NDUFA10: variants seen among roughly 807,000 people sequenced by gnomAD.
NDUFA10 encodes NADH:ubiquinone oxidoreductase subunit A10.
Under a neutral mutation model 47.8 loss-of-function variants are expected in NDUFA10, and 40 were observed. The observed-to-expected ratio is 0.84, with a 90% CI of 0.65 to 1.09. The LOEUF is 1.09. Among genes scored for constraint, NDUFA10 ranks in the 50% least tolerant of loss-of-function variants. The pLI is 0.00. For missense variants in NDUFA10, 413 were observed against 451.1 expected (o/e 0.92, Z 0.76); for synonymous variants, 183 against 172.2 (o/e 1.06, Z -0.49).
At chr2:239,984,004 G>A (rs1695900477) in intron 9 of NDUFA10, among the ~76,000 whole-genome samples, 9 of 152,116 alleles carry the variant, frequency 5.9e-5, no homozygotes, top group Admixed American at 5.9e-4. Context: ...AGGCTGAGGT[G>A]GCCAGATCAC....
At chr2:239,996,690 C>T (rs925898116) in intron 8 of NDUFA10, among the ~76,000 whole-genome samples, 2 of 152,220 alleles carry the variant, frequency 1.3e-5, no homozygotes, top group African/African-American at 2.4e-5. Flanking sequence ...TATGCACACA[C>T]TCCCCACACA....
intron 4 of NDUFA10, among the ~76,000 whole-genome samples, chr2:239,908,850 C>T (rs1163923245): frequency 6.6e-6 from 1 of 152,186 alleles, no homozygotes; most frequent in Non-Finnish European, 1.5e-5. Flanking sequence ...GCACCTACCT[C>T]CCTGTTGGAA....
intron 4 of NDUFA10, among the ~76,000 whole-genome samples, chr2:239,905,680 C>T (rs1693639848): frequency 1.3e-5 from 2 of 152,146 alleles, no homozygotes; most frequent in South Asian, 4.1e-4. Context: ...ATCCTGGACA[C>T]AAGCCCCATC....
chr2:240,023,056 G>A (rs537046364), intron 1 of NDUFA10, among the ~76,000 whole-genome samples: 2 of 152,048 alleles, frequency 1.3e-5, no homozygotes, highest in South Asian at 2.1e-4. Flanking sequence ...TGACTCTGTC[G>A]GCACCCTCAC....
intron 4 of NDUFA10, among the ~76,000 whole-genome samples, chr2:239,899,922 C>T (rs541005227): frequency 1.0e-4 from 15 of 148,186 alleles, no homozygotes; most frequent in Admixed American, 4.0e-4. Flanking sequence ...AGGAAGCCCA[C>T]CCATCTTAAA....
At chr2:239,976,826 G>C (rs1218166673) in intron 9 of NDUFA10, among the ~76,000 whole-genome samples, 1 of 152,176 alleles carries the variant, frequency 6.6e-6, no homozygotes, top group African/African-American at 2.4e-5. Context: ...GTGGCCCTAG[G>C]AAGGAGTTCC....
At chr2:240,008,855 CTGT>C (rs1697040207) in intron 6 of NDUFA10, among the ~76,000 whole-genome samples, 1 of 152,230 alleles carries the variant, frequency 6.6e-6, no homozygotes, top group Admixed American at 6.5e-5. Flanking sequence ...TTTCTATCTT[CTGT>C]GCGCCTCCAT....
In NDUFA10 at chr2:239,961,195, G is replaced by A. The variant is rs762927066; in HGVS notation, c.1000-9C>T. 1 of 1,573,564 alleles carries A rather than the reference G, an allele frequency of 6.4e-7. No individual in the cohort carries two copies. Among genetic ancestry groups the A allele is most frequent in the Non-Finnish European group, 8.7e-7 (1 of 1,149,576 alleles). On this transcript the variant is annotated splice_polypyrimidine_tract_variant and intron_variant, in intron 9 of 9. Transcript: ENST00000252711. ...TACTTGCGGCCCGGCAGCTGTGGGG[G>A]AAAAAGGCATTGGTGCATTCTGTTT...
At chr2:239,927,305 T>C (rs886086044) in intron 4 of NDUFA10, among the ~76,000 whole-genome samples, 4 of 152,176 alleles carry the variant, frequency 2.6e-5, no homozygotes, top group African/African-American at 9.7e-5. Context: ...AATGTTATTA[T>C]AAAAGAGTCA....
chr2:239,973,843 G>A (rs959829494), intron 9 of NDUFA10, among the ~76,000 whole-genome samples: 3 of 152,138 alleles, frequency 2.0e-5, no homozygotes, highest in Non-Finnish European at 4.4e-5. Context: ...GAGGAGGGTC[G>A]CTAAGGAAAA....
At chr2:239,915,409 C>CAT (rs1693845203) in intron 4 of NDUFA10, among the ~76,000 whole-genome samples, 3 of 115,392 alleles carry the variant, frequency 2.6e-5, no homozygotes, top group Non-Finnish European at 3.5e-5. Flanking sequence ...ACACAGAACA[C>CAT]ACACATACAC....
rs1697339859 is a variant in NDUFA10 at position 240,016,191 on chromosome 2, T to C, written c.548-1331A>G. On this transcript the variant is annotated intron_variant, in intron 4 of 9. Coordinates refer to ENST00000252711, the MANE Select transcript of NDUFA10 (RefSeq NM_004544.4). The surrounding 1 kb of genome is among the most constrained non-coding windows in gnomAD (Gnocchi z 4.4). ...ACAAGGAAGACCACCCAGGAGGAGG[T>C]GTGACAAAGCAAAGGACGGAGGCTG... Among the ~76,000 whole-genome samples the C allele has an allele frequency of 1.3e-5, 2 of 151,372 alleles. No homozygotes were observed. The highest frequency in any genetic ancestry group is 2.1e-4 in the South Asian group (1 of 4,772).
intron 9 of NDUFA10, among the ~76,000 whole-genome samples, chr2:239,985,383 T>C (rs1005600698): frequency 2.0e-5 from 3 of 149,822 alleles, no homozygotes; most frequent in African/African-American, 7.4e-5. Flanking sequence ...ATATAAGAAA[T>C]ACAGGTCTAA....
rs184956858 is a variant in NDUFA10, at chr2:239,904,929, C to T, written c.295-9615G>A. ...TCCGATCCCGCCTCTGCATTCACAC[C>T]GGCGTCTCACTGTGTCTGTGCCTTC... On this transcript the variant is annotated intron_variant, in intron 4 of 5. Transcript: ENST00000419408. Among the ~76,000 whole-genome samples the T allele has an allele frequency of 6.6e-5, 10 of 152,248 alleles. No homozygotes were observed. In the East Asian group the frequency reaches 1.5e-3, roughly 24 times the overall value.
chr2:239,982,233 CG>C lies in NDUFA10; in HGVS notation c.999+7840del, dbSNP rs1419095518. 6.8e-6 allele frequency: 11 copies of C among 1,612,490 alleles called. No homozygotes were observed. In the East Asian group the frequency reaches 8.9e-5, roughly 13 times the overall value. ...GGGGATCCCCAGCTACAAGGTTAGA[CG>C]AAACAATTCTGTTCACCTCGCCTCT... On this transcript the variant is annotated intron_variant, in intron 9 of 9. Coordinates refer to ENST00000252711, the MANE Select transcript of NDUFA10 (RefSeq NM_004544.4).
At chr2:239,946,520 A>C (rs1484708903) in intron 4 of NDUFA10, among the ~76,000 whole-genome samples, 1 of 152,202 alleles carries the variant, frequency 6.6e-6, no homozygotes, top group Non-Finnish European at 1.5e-5. Context: ...CCAAGGGCTC[A>C]CTGCAATCAC....
intron 9 of NDUFA10, among the ~76,000 whole-genome samples, chr2:239,967,969 GAA>G (rs763408659): frequency 1.4e-5 from 1 of 69,894 alleles, no homozygotes; most frequent in Non-Finnish European, 3.0e-5. Flanking sequence ...ATCAGTCAAG[GAA>G]AAAAATATAC....
intron 6 of NDUFA10, 78 bp from the exon 7 acceptor site, chr2:240,007,448 TA>T: frequency 1.0e-6 from 1 of 982,778 alleles, no homozygotes; most frequent in Non-Finnish European, 1.6e-6. Flanking sequence ...TACATACCGC[TA>T]AAGTCTCCTG....
Position 240,022,309 on chromosome 2 carries a change from A to G in NDUFA10, c.107T>C (p.Leu36Pro). The change falls in exon 2 of 10, where the codon CTG (leucine) becomes CCG (proline). Residue 36 changes from leucine to proline, a missense_variant. Coordinates refer to ENST00000252711, the MANE Select transcript of NDUFA10 (RefSeq NM_004544.4). ...RGIHSSVQCK[L>P]RYGMWHFLLG... ...TAGGAAATGCCACATTCCATAGCGC[A>G]GTTTGCACTGCACACTGCTATGAAT... 6.2e-7 allele frequency: 1 copy of G among 1,614,108 alleles called. No individual in the cohort carries two copies. Among genetic ancestry groups the G allele is most frequent in the Non-Finnish European group, 8.5e-7 (1 of 1,180,018 alleles).
Sources: allele counts gnomAD v4.1 joint callset (sites outside exome capture counted in the v4.1 genomes callset), GRCh38; gene constraint gnomAD v4.1.1; non-coding constraint Gnocchi (gnomAD v3.1); transcripts MANE v1.5; gene names NCBI Gene and HGNC (gene_info 2026-07-23, HGNC 2026-07-21).